ZNF773: variants seen among roughly 807,000 people sequenced by gnomAD.
The protein encoded by ZNF773 is zinc finger protein 773.
ZNF773 carries 11 observed loss-of-function variants against 12.8 expected under a neutral mutation model. The ratio of observed to expected loss-of-function variants is 0.86; its 90% CI spans 0.54 to 1.42. The LOEUF (loss-of-function observed/expected upper bound fraction) is 1.42. Ranked by LOEUF, ZNF773 falls within the 40% of genes most tolerant of loss-of-function variation. ZNF773 has a pLI of 0.00. For missense variants in ZNF773, 518 were observed against 527.2 expected, an observed-to-expected ratio of 0.98 and a Z score of 0.17; for synonymous variants, 175 against 178.4, an observed-to-expected ratio of 0.98 and a Z score of 0.15.
downstream of ZNF773, chr19:57,513,487 A>G (rs2089813059): frequency 6.5e-6 from 1 of 153,344 alleles, no homozygotes; most frequent in Non-Finnish European, 1.5e-5. Context: ...GGCTTAGGAA[A>G]GTCCCTACAG....
At position 57,504,786 on chromosome 19, in the gene ZNF773, G is replaced by T. The variant is rs1300234302; in HGVS notation, c.163G>T (p.Gly55Ter). ...LENFTLLASL[G>*]LASSKTHEIT... is the part of the protein sequence containing the mutation. The stretch of plus-strand genomic sequence containing the variant: ...GAACTTTACACTTCTGGCCTCTCTG[G>T]GTAAGGTTCTCACACCCCACCCCAG... The change falls in exon 2 of 4, where the codon GGA (glycine) becomes TGA (stop). Residue 55 changes from glycine to a stop codon, truncating the protein, a stop_gained and splice_region_variant. Transcript: ENST00000282292. LOFTEE classifies it high-confidence loss of function. 6.2e-7 allele frequency: 1 copy of T among 1,612,574 alleles called. No individual in the cohort carries two copies. Among genetic ancestry groups the T allele is most frequent in the Non-Finnish European group, 8.5e-7 (1 of 1,179,506 alleles).
downstream of ZNF773, chr19:57,513,436 G>A (rs968910320): frequency 3.0e-5 from 5 of 165,738 alleles, no homozygotes; most frequent in Non-Finnish European, 5.2e-5. Context: ...GGCAATCCAG[G>A]ATTTAAAATG....
Position 57,507,012 on chromosome 19 carries a change from G to T in ZNF773, c.917G>T (p.Ser306Ile). The change falls in exon 4 of 4, where the codon AGT becomes ATT. Residue 306 changes from serine to isoleucine, a missense_variant. Transcript: ENST00000282292. ...ACTGGAGTAAGGCCTTATGAGTGCA[G>T]TGAATGTGGAAAATTGTTTAGTTTC... The part of the protein sequence containing the change: ...IHTGVRPYEC[S>I]ECGKLFSFNS... 1.2e-6 allele frequency: 2 copies of T among 1,614,216 alleles called. No homozygotes were observed. The highest frequency in any genetic ancestry group is 1.7e-6 in the Non-Finnish European group (2 of 1,180,046).
At chr19:57,503,469 A>G (rs1389696943) in intron 1 of ZNF773, among the ~76,000 whole-genome samples, 1 of 152,064 alleles carries the variant, frequency 6.6e-6, no homozygotes, top group African/African-American at 2.4e-5. Context: ...CATGAGATGG[A>G]CATGAAGATG....
chr19:57,512,755 G>A (rs2089805506), downstream of ZNF773, among the ~76,000 whole-genome samples: 1 of 152,228 alleles, frequency 6.6e-6, no homozygotes, highest in Middle Eastern at 3.4e-3. Context: ...GAATGCTAAG[G>A]GCAGTCACAC....
At chr19:57,510,938 TAAA>T (rs1345704543), downstream of ZNF773, among the ~76,000 whole-genome samples, 2 of 152,054 alleles carry the variant, frequency 1.3e-5, no homozygotes, top group South Asian at 2.1e-4. Context: ...ACGATCCCAA[TAAA>T]AACCTAATCT....
At chr19:57,502,405 A>G (rs1313312771) in intron 1 of ZNF773, among the ~76,000 whole-genome samples, 2 of 152,228 alleles carry the variant, frequency 1.3e-5, no homozygotes, top group African/African-American at 4.8e-5. Context: ...ATCAGCAGGT[A>G]TAAGGCAGAC....
downstream of ZNF773, among the ~76,000 whole-genome samples, chr19:57,510,733 A>G (rs2089787927): frequency 6.6e-6 from 1 of 152,202 alleles, no homozygotes; most frequent in African/African-American, 2.4e-5. Flanking sequence ...GCAACTGAAA[A>G]AATGTACTTC....
chr19:57,517,843 C>A (rs1226053668), downstream of ZNF773: 1 of 152,226 alleles, frequency 6.6e-6, no homozygotes, highest in Non-Finnish European at 1.5e-5. Context: ...AGTGCTTCAG[C>A]CCTCTTTAAA....
chr19:57,503,804 T>A (rs1446234313), intron 1 of ZNF773, among the ~76,000 whole-genome samples: 2 of 152,004 alleles, frequency 1.3e-5, no homozygotes, highest in Non-Finnish European at 2.9e-5. Context: ...ATTACAGGCA[T>A]GCGCCACCAC....
downstream of ZNF773, chr19:57,508,509 AT>A (rs1482392945): frequency 7.1e-6 from 5 of 700,660 alleles, no homozygotes; most frequent in African/African-American, 8.8e-5. Context: ...TGTTTTTATA[AT>A]TTTCACCAGT....
chr19:57,513,162 T>C (rs1271862164), downstream of ZNF773: 2 of 1,302,450 alleles, frequency 1.5e-6, no homozygotes, highest in East Asian at 2.9e-5. Context: ...GTCAGTGCCC[T>C]AAAGAGGTAC....
chr19:57,505,008 T>C (rs1225398189), intron 2 of ZNF773: 1 of 789,936 alleles, frequency 1.3e-6, no homozygotes, highest in African/African-American at 1.7e-5. Context: ...GTCAGGAGTC[T>C]TGCAGTCAGC....
intron 1 of ZNF773, among the ~76,000 whole-genome samples, chr19:57,503,216 G>T (rs2089689424): frequency 6.6e-6 from 1 of 152,230 alleles, no homozygotes; most frequent in South Asian, 2.1e-4. Flanking sequence ...ACATGATACA[G>T]TTGGTGTATG....
downstream of ZNF773, chr19:57,516,765 T>C (rs2089834558): frequency 6.6e-6 from 1 of 152,272 alleles, no homozygotes; most frequent in African/African-American, 2.4e-5. Context: ...TTGGACTCAG[T>C]GTCTTGGCCC....
rs1343580168 is a variant in ZNF773 at position 57,507,270 on chromosome 19, G to A, written c.1175G>A (p.Cys392Tyr). Residue 392 changes from cysteine to tyrosine, a missense_variant, in exon 4 of 4, where the codon TGT (cysteine) becomes TAT (tyrosine). By Grantham distance (194) the Cys-to-Tyr change is radical. Transcript: ENST00000282292. ...GAAAAACCTTTTAAGTGCAATGAAT[G>A]TGGGAGATTCTTTAGTGAGAATTCC... is the stretch of plus-strand genomic sequence containing the variant. ...TGEKPFKCNE[C>Y]GRFFSENSSL... 1 of 1,611,346 alleles carries A rather than the reference G, an allele frequency of 6.2e-7. No homozygotes were observed. The highest frequency in any genetic ancestry group is 1.7e-5 in the Admixed American group (1 of 59,906).
At chr19:57,511,241 C>T (rs1373803891), downstream of ZNF773, among the ~76,000 whole-genome samples, 31 of 151,778 alleles carry the variant, frequency 2.0e-4, no homozygotes, top group Non-Finnish European at 3.5e-4. Flanking sequence ...TTAGTAGAGA[C>T]GGGGTTTCAC....
Position 57,506,531 on chromosome 19 carries a change from T to A in ZNF773, c.436T>A (p.Ser146Thr). ...TTGCAGAGTCCACCTATCAGAGAAG[T>A]CCTTGCAAAGCAGGGAAGTTGGGAA... The part of the protein sequence containing the change: ...RSCRVHLSEK[S>T]LQSREVGKDL... Residue 146 changes from serine to threonine, a missense_variant, in exon 4 of 4, where the codon TCC becomes ACC. Transcript: ENST00000282292. 2 of 1,614,158 alleles carry A rather than the reference T, an allele frequency of 1.2e-6. No individual in the cohort carries two copies. The highest frequency in any genetic ancestry group is 1.7e-6 in the Non-Finnish European group (2 of 1,180,030).
At chr19:57,505,712 GTTTTT>G (rs11312618) in intron 3 of ZNF773, among the ~76,000 whole-genome samples, 1 of 110,868 alleles carries the variant, frequency 9.0e-6, no homozygotes, top group East Asian at 2.7e-4. Context: ...CATTCCAGTT[GTTTTT>G]TTTTTTTTTT....
Sources: allele counts gnomAD v4.1 joint callset (sites outside exome capture counted in the v4.1 genomes callset), GRCh38; gene constraint gnomAD v4.1.1; transcripts MANE v1.5; gene names NCBI Gene and HGNC (gene_info 2026-07-23, HGNC 2026-07-21).